The following CDC45 variants were observed in gnomAD, a reference collection of about 807,000 sequenced individuals.
CDC45 encodes cell division control protein 45 homolog.
In CDC45, 54 loss-of-function variants were observed where a neutral mutation model predicts 77.8. The observed-to-expected ratio is 0.69, with a 90% CI of 0.56 to 0.87. The LOEUF (loss-of-function observed/expected upper bound fraction) is 0.87, where lower values mean the gene tolerates loss of function less well. Ranked by LOEUF, CDC45 falls within the 40% of genes least tolerant of loss-of-function variation. The probability of loss-of-function intolerance (pLI) is 0.00; values close to 1 mark genes in which losing one functional copy is unlikely to be tolerated. For missense variants in CDC45, 649 were observed against 721.6 expected, an observed-to-expected ratio of 0.90 and a Z score of 1.15; for synonymous variants, 260 against 272.1, an observed-to-expected ratio of 0.96 and a Z score of 0.44.
intron 5 of CDC45, among the ~76,000 whole-genome samples, chr22:19,485,131 T>A (rs967781913): frequency 3.3e-5 from 5 of 152,184 alleles, no homozygotes; most frequent in African/African-American, 1.2e-4. Context: ...AATTTTTTTT[T>A]ATATAGCATT....
At chr22:19,504,451 C>T (rs1933041930) in intron 9 of CDC45, among the ~76,000 whole-genome samples, 1 of 152,158 alleles carries the variant, frequency 6.6e-6, no homozygotes, top group African/African-American at 2.4e-5. Flanking sequence ...CAGTATGCAG[C>T]AACACGCCCG....
rs759848589 is a variant in CDC45, at chr22:19,508,582, A to G, written c.1108A>G (p.Lys370Glu). 3 of 1,614,218 alleles carry G rather than the reference A, an allele frequency of 1.9e-6. No homozygotes were observed. The highest frequency in any genetic ancestry group is 1.3e-5 in the African/African-American group (1 of 75,064). Residue 370 changes from lysine to glutamate, a missense_variant, in exon 13 of 19, where the codon AAG becomes GAG. By Grantham distance (56) the Lys-to-Glu change is moderately conservative. Coordinates refer to ENST00000263201, the MANE Select transcript of CDC45 (RefSeq NM_003504.5). The part of the protein sequence containing the change: ...TFSIHFGFKH[K>E]FLASDVVFAT... ...CAGCATTCATTTTGGGTTCAAGCAC[A>G]AGTTTCTGGCCAGCGACGTGGTCTT...
At chr22:19,504,671 G>A (rs1933055068) in intron 9 of CDC45, among the ~76,000 whole-genome samples, 1 of 152,142 alleles carries the variant, frequency 6.6e-6, no homozygotes, top group Admixed American at 6.5e-5. Flanking sequence ...TGGGGCAAGG[G>A]GGATGTAATC....
chr22:19,480,038 C>T lies in CDC45; in HGVS notation c.51+19C>T, dbSNP rs2089948815. 2 of 1,613,760 alleles carry T rather than the reference C, an allele frequency of 1.2e-6. No individual in the cohort carries two copies. The highest frequency in any genetic ancestry group is 1.6e-4 in the Middle Eastern group (1 of 6,076). On this transcript the variant is annotated intron_variant, in intron 1 of 18. Coordinates refer to ENST00000263201, the MANE Select transcript of CDC45 (RefSeq NM_003504.5). Reference sequence around the variant, plus strand: ...GAGCCAGGTGACGCCCAGTCCGGGACCCCCGCCGAGGCCTTGCCGGTGGGG... The same window carrying T: ...GAGCCAGGTGACGCCCAGTCCGGGATCCCCGCCGAGGCCTTGCCGGTGGGG...
chr22:19,480,467 G>A (rs2089961220), intron 2 of CDC45, among the ~76,000 whole-genome samples: 1 of 152,030 alleles, frequency 6.6e-6, no homozygotes, highest in South Asian at 2.1e-4. Flanking sequence ...TTTGCAATAA[G>A]CTATTAATAT....
upstream of CDC45, chr22:19,479,559 G>A (rs1036566002): frequency 1.7e-6 from 1 of 571,786 alleles, no homozygotes; most frequent in Middle Eastern, 2.7e-4. Flanking sequence ...AAACGTAAAT[G>A]CTGCCCCATT....
In CDC45 at chr22:19,479,927, TG is replaced by T; in HGVS notation, c.-40del. 4.3e-6 allele frequency: 7 copies of T among 1,610,560 alleles called. No homozygotes were observed. Among genetic ancestry groups the T allele is most frequent in the Non-Finnish European group, 5.9e-6 (7 of 1,178,890 alleles). On this transcript the variant is annotated 5_prime_UTR_variant, in exon 1 of 19. Transcript: ENST00000263201. ...GGAGTCTTGACCGCCGCCGGGCTCT[TG>T]GTACCTCAGCGCGAGCGCCAGGCGT...
rs373683620 is a variant in CDC45 at position 19,480,040 on chromosome 22, C to A, written c.51+21C>A. ...GCCAGGTGACGCCCAGTCCGGGACC[C>A]CCGCCGAGGCCTTGCCGGTGGGGAA... On this transcript the variant is annotated intron_variant, in intron 1 of 18. Coordinates refer to ENST00000263201, the MANE Select transcript of CDC45 (RefSeq NM_003504.5). 4 of 1,613,792 alleles carry A rather than the reference C, an allele frequency of 2.5e-6. No homozygotes were observed. In the African/African-American group the frequency reaches 5.3e-5, roughly 22 times the overall value.
At chr22:19,504,594 C>T (rs969331260) in intron 9 of CDC45, among the ~76,000 whole-genome samples, 12 of 151,788 alleles carry the variant, frequency 7.9e-5, no homozygotes, top group East Asian at 2.0e-4. Context: ...CCACTGTGCC[C>T]GGCCTGGGCT....
At chr22:19,511,403 T>C (rs1024335325) in intron 13 of CDC45, among the ~76,000 whole-genome samples, 1 of 148,414 alleles carries the variant, frequency 6.7e-6, no homozygotes, top group African/African-American at 2.5e-5. Context: ...CAGTCATGGC[T>C]CACTGCAGCC....
Position 19,507,496 on chromosome 22 carries a change from A to G in CDC45, c.935A>G (p.Gln312Arg). 2 of 1,614,172 alleles carry G rather than the reference A, an allele frequency of 1.2e-6. No individual in the cohort carries two copies. The highest frequency in any genetic ancestry group is 1.7e-6 in the Non-Finnish European group (2 of 1,180,032). ...LWSVHGQKRL[Q>R]EFLADMGLPL... ...TCTGTGCATGGACAGAAGCGGCTCC[A>G]GGAGTTCCTTGCAGACATGGGGTGA... The change falls in exon 11 of 19, where the codon CAG (glutamine) becomes CGG (arginine). Residue 312 changes from glutamine to arginine, a missense_variant. Gln to Arg is a conservative substitution (Grantham distance 43). Coordinates refer to ENST00000263201, the MANE Select transcript of CDC45 (RefSeq NM_003504.5).
At chr22:19,511,110 A>G (rs1034159107) in intron 13 of CDC45, among the ~76,000 whole-genome samples, 2 of 152,154 alleles carry the variant, frequency 1.3e-5, no homozygotes, top group Non-Finnish European at 2.9e-5. Context: ...ACCATTTTAC[A>G]TTCCCACCAG....
At chr22:19,516,686 G>A (rs372589048) in intron 16 of CDC45, 41 bp downstream of exon 16, 2 of 1,571,484 alleles carry the variant, frequency 1.3e-6, no homozygotes, top group Non-Finnish European at 1.7e-6. Flanking sequence ...AGGGTCGGGG[G>A]TGTTGGGGTT....
In CDC45 at chr22:19,514,873, T is replaced by G; in HGVS notation, c.1342T>G (p.Cys448Gly). Residue 448 changes from cysteine (C) to glycine (G), a missense_variant, in exon 14 of 19, where the codon TGC becomes GGC. By Grantham distance (159) the Cys-to-Gly change is radical. Coordinates refer to ENST00000263201, the MANE Select transcript of CDC45 (RefSeq NM_003504.5). Reference protein sequence around the residue: ...LVISQGPFLYCSLMEGTPDVM... With the variant: ...LVISQGPFLYGSLMEGTPDVM... ...CATCTCCCAGGGGCCTTTCCTGTAC[T>G]GCTCTCTCATGGAGGTCAGGCTTCC... is the stretch of plus-strand genomic sequence containing the variant. 6.2e-7 allele frequency: 1 copy of G among 1,614,236 alleles called. No individual in the cohort carries two copies. The highest frequency in any genetic ancestry group is 8.5e-7 in the Non-Finnish European group (1 of 1,180,048).
At chr22:19,518,713 G>A (rs1933938518) in intron 17 of CDC45, 131 bp from the exon 18 acceptor site, 1 of 725,698 alleles carries the variant, frequency 1.4e-6, no homozygotes, top group Non-Finnish European at 2.5e-6. Context: ...ACTGAGTGCA[G>A]AATACCACAG....
rs996519652 is a variant in CDC45 at position 19,515,726 on chromosome 22, C to T, written c.1440+678C>T. 4.6e-5 allele frequency among the ~76,000 whole-genome samples: 7 copies of T among 152,228 alleles called. No individual in the cohort carries two copies. In the East Asian group the frequency reaches 9.6e-4, roughly 21 times the overall value. ...ACTAGGGACAGAGCATGGGCCTTGACGTCCTCTAGGCTGTGTTCAAAGATG... is the reference window on the plus strand; with the variant it reads ...ACTAGGGACAGAGCATGGGCCTTGATGTCCTCTAGGCTGTGTTCAAAGATG... On this transcript the variant is annotated intron_variant, in intron 15 of 18. Coordinates refer to ENST00000263201, the MANE Select transcript of CDC45 (RefSeq NM_003504.5).
In CDC45 at chr22:19,479,974, C is replaced by G. The variant is rs1176312009; in HGVS notation, c.6C>G (p.Phe2Leu). The change falls in exon 1 of 19, where the codon TTC (phenylalanine) becomes TTG (leucine). Residue 2 changes from phenylalanine to leucine, a missense_variant. By Grantham distance (22) the Phe-to-Leu change is conservative. Coordinates refer to ENST00000263201, the MANE Select transcript of CDC45 (RefSeq NM_003504.5). ...GGCGTCCGGCCGCCGTGGCTATGTT[C>G]GTGTCCGATTTCCGCAAAGAGTTCT... M[F>L]VSDFRKEFYE... is the part of the protein sequence containing the mutation. 6.2e-7 allele frequency: 1 copy of G among 1,613,484 alleles called. No homozygotes were observed. Among genetic ancestry groups the G allele is most frequent in the Non-Finnish European group, 8.5e-7 (1 of 1,180,034 alleles).
intron 9 of CDC45, among the ~76,000 whole-genome samples, chr22:19,501,279 G>T (rs1029617958): frequency 6.6e-6 from 1 of 152,346 alleles, no homozygotes; most frequent in East Asian, 1.9e-4. Context: ...ACTGTTCGGT[G>T]GGCAGGACCT....
intron 5 of CDC45, among the ~76,000 whole-genome samples, chr22:19,488,212 C>T (rs1239304538): frequency 6.6e-6 from 1 of 152,204 alleles, no homozygotes; most frequent in East Asian, 1.9e-4. Flanking sequence ...GTTTTGGTTC[C>T]TACTGATGTT....
Sources: gnomAD v4.1 joint callset for allele counts (sites outside exome capture counted in the v4.1 genomes callset) on GRCh38, gnomAD v4.1.1 for gene constraint, MANE v1.5 for transcripts, NCBI Gene and HGNC (gene_info 2026-07-23, HGNC 2026-07-21) for gene names.